Variants in RAPGEF4 observed in about 807,000 individuals in gnomAD.
RAPGEF4 encodes the protein Rap guanine nucleotide exchange factor 4.
A neutral mutation model predicts 147.9 loss-of-function variants in RAPGEF4; 66 were observed. The observed-to-expected ratio is 0.45, with a 90% confidence interval of 0.37 to 0.55. RAPGEF4 has a LOEUF of 0.55. Ranked by LOEUF, RAPGEF4 falls within the 20% of genes least tolerant of loss-of-function variation. The pLI, the probability that RAPGEF4 is intolerant of heterozygous loss-of-function variation, is 0.00. For missense variants in RAPGEF4, 1,071 were observed against 1,257.3 expected, an observed-to-expected ratio of 0.85 and a Z score of 2.24; for synonymous variants, 419 against 442.7, an observed-to-expected ratio of 0.95 and a Z score of 0.67.
chr2:173,029,492 A>C (rs1029429037), intron 25 of RAPGEF4, among the ~76,000 whole-genome samples: 8 of 152,234 alleles, frequency 5.3e-5, no homozygotes, highest in Non-Finnish European at 1.2e-4. Context: ...CACATGTCTC[A>C]TTCCCAAACA....
At chr2:172,767,886 A>C (rs1250617260) in intron 1 of RAPGEF4, among the ~76,000 whole-genome samples, 1 of 152,136 alleles carries the variant, frequency 6.6e-6, no homozygotes, top group Non-Finnish European at 1.5e-5. Flanking sequence ...CATGTTGCCC[A>C]GGCTGGAGTG....
chr2:173,001,824 C>T (rs915192361), intron 17 of RAPGEF4, among the ~76,000 whole-genome samples: 6 of 151,680 alleles, frequency 4.0e-5, no homozygotes, highest in Non-Finnish European at 5.9e-5. Flanking sequence ...AAGGACAGCA[C>T]CAAGACACGA....
At chr2:172,936,134 C>T (rs1242696645) in intron 6 of RAPGEF4, among the ~76,000 whole-genome samples, 1 of 151,980 alleles carries the variant, frequency 6.6e-6, no homozygotes, top group Admixed American at 6.6e-5. Flanking sequence ...TTTGGGAGGC[C>T]GAGGTGGGTG....
At chr2:172,800,099 C>T (rs1053110379) in intron 3 of RAPGEF4, among the ~76,000 whole-genome samples, 1 of 152,168 alleles carries the variant, frequency 6.6e-6, no homozygotes, top group African/African-American at 2.4e-5. Flanking sequence ...AAGCTGGGCT[C>T]GGTCTTCTTT....
In RAPGEF4 at chr2:173,027,205, C is replaced by T. The variant is rs779138580; in HGVS notation, c.2504C>T (p.Ser835Phe). The change falls in exon 25 of 31, where the codon TCT becomes TTT. Residue 835 changes from serine (S) to phenylalanine (F), a missense_variant. Coordinates refer to ENST00000397081, the MANE Select transcript of RAPGEF4 (RefSeq NM_007023.4). ...FWVVTEICLC[S>F]QLSKRVQLLK... is the part of the protein sequence containing the mutation. Reference sequence around the variant, plus strand: ...GTCGTCACTGAGATCTGCCTTTGTTCTCAGCTCAGCAAGCGTGTTCAGCTA... The same window carrying T: ...GTCGTCACTGAGATCTGCCTTTGTTTTCAGCTCAGCAAGCGTGTTCAGCTA... The T allele has an allele frequency of 1.2e-6, 2 of 1,613,120 alleles. No individual in the cohort carries two copies. The highest frequency in any genetic ancestry group is 1.7e-6 in the Non-Finnish European group (2 of 1,179,766).
chr2:173,015,741 A>T (rs1695454343), intron 18 of RAPGEF4, among the ~76,000 whole-genome samples: 1 of 152,234 alleles, frequency 6.6e-6, no homozygotes, highest in Admixed American at 6.5e-5. Flanking sequence ...GACAGTTCCC[A>T]GAAGGGCATC....
intron 4 of RAPGEF4, among the ~76,000 whole-genome samples, chr2:172,902,641 G>C (rs990745045): frequency 6.6e-6 from 1 of 152,166 alleles, no homozygotes; most frequent in Non-Finnish European, 1.5e-5. Context: ...TTGCAGAATA[G>C]CTAAAGCACC....
At chr2:172,908,162 A>G (rs868373069) in intron 4 of RAPGEF4, among the ~76,000 whole-genome samples, 1 of 152,258 alleles carries the variant, frequency 6.6e-6, no homozygotes, top group Non-Finnish European at 1.5e-5. Context: ...AGTAGCCAGC[A>G]GCCAGATCAG....
chr2:172,917,252 C>T (rs1684165717), intron 4 of RAPGEF4, among the ~76,000 whole-genome samples: 1 of 152,186 alleles, frequency 6.6e-6, no homozygotes, highest in South Asian at 2.1e-4. Flanking sequence ...TTATTTGACA[C>T]ATAGCAAAAG....
intron 1 of RAPGEF4, among the ~76,000 whole-genome samples, chr2:172,756,863 A>T (rs1405492893): frequency 1.3e-5 from 2 of 152,220 alleles, no homozygotes; most frequent in African/African-American, 4.8e-5. Context: ...ATCAGAGTGA[A>T]ACTCACAGAG....
chr2:173,027,520 C>T (rs935464147), intron 25 of RAPGEF4, among the ~76,000 whole-genome samples: 2 of 152,238 alleles, frequency 1.3e-5, no homozygotes, highest in Admixed American at 6.5e-5. Context: ...GCTTTCTACT[C>T]AGACGGTTTT....
At chr2:172,787,867 A>G (rs1346913184) in intron 1 of RAPGEF4, among the ~76,000 whole-genome samples, 1 of 152,080 alleles carries the variant, frequency 6.6e-6, no homozygotes, top group African/African-American at 2.4e-5. Context: ...CAACCCTCCC[A>G]CCTTGGCCTC....
intron 4 of RAPGEF4, among the ~76,000 whole-genome samples, chr2:172,846,998 C>T (rs541112556): frequency 5.3e-5 from 8 of 152,282 alleles, no homozygotes; most frequent in Admixed American, 5.2e-4. Flanking sequence ...AGTACAGTGC[C>T]TGGCGTGTAG....
chr2:172,959,930 C>T (rs142316844), intron 6 of RAPGEF4, among the ~76,000 whole-genome samples: 8 of 151,892 alleles, frequency 5.3e-5, no homozygotes, highest in African/African-American at 1.7e-4. Context: ...TCTCTACAGA[C>T]AAAAATTAAC....
chr2:172,761,746 AG>A (rs1696363825), intron 1 of RAPGEF4, among the ~76,000 whole-genome samples: 1 of 152,234 alleles, frequency 6.6e-6, no homozygotes, highest in African/African-American at 2.4e-5. Flanking sequence ...CTTGCAAAAC[AG>A]AAATGTACAA....
intron 1 of RAPGEF4, among the ~76,000 whole-genome samples, chr2:172,751,586 A>G (rs1695297232): frequency 6.6e-6 from 1 of 152,124 alleles, no homozygotes; most frequent in Non-Finnish European, 1.5e-5. Flanking sequence ...AGGGGAAGAG[A>G]CTGAGGGGTA....
At position 173,011,956 on chromosome 2, in the gene RAPGEF4, AG is replaced by A. The variant is rs1299130051; in HGVS notation, c.1659-2507del. ...ACTCTATTACTACCAGCTCAGTAAA[AG>A]CTTCCCTTTCCTCTCTATGCTGTTT... On this transcript the variant is annotated intron_variant, in intron 17 of 30. Coordinates refer to ENST00000397081, the MANE Select transcript of RAPGEF4 (RefSeq NM_007023.4). Among the ~76,000 whole-genome samples, 3 of 152,102 alleles carry A rather than the reference AG, an allele frequency of 2.0e-5. No homozygotes were observed. In the East Asian group the frequency reaches 5.8e-4, roughly 29 times the overall value.
At chr2:172,781,602 A>C (rs74577377) in intron 1 of RAPGEF4, among the ~76,000 whole-genome samples, 9,714 of 152,188 alleles carry the variant, frequency 0.064, 364 homozygotes, top group Middle Eastern at 0.085. Context: ...TAAATTTCCA[A>C]TGCTGCATTT....
At chr2:172,946,306 TTGAC>T (rs575566656) in intron 6 of RAPGEF4, among the ~76,000 whole-genome samples, 154 of 152,314 alleles carry the variant, frequency 1.0e-3, no homozygotes, top group South Asian at 2.5e-3. Flanking sequence ...ACAATTATCT[TTGAC>T]TGGTTGGTTT....
Sources: gnomAD v4.1 joint callset for allele counts (sites outside exome capture counted in the v4.1 genomes callset) on GRCh38, gnomAD v4.1.1 for gene constraint, MANE v1.5 for transcripts, NCBI Gene and HGNC (gene_info 2026-07-23, HGNC 2026-07-21) for gene names.